Variants in CD82 observed in about 807,000 individuals in gnomAD.
CD82 encodes the protein CD82 antigen.
A neutral mutation model predicts 37.4 loss-of-function variants in CD82; 36 were observed. The ratio of observed to expected loss-of-function variants is 0.96; its 90% CI spans 0.74 to 1.27. The LOEUF (loss-of-function observed/expected upper bound fraction) is 1.27, where lower values mean the gene tolerates loss of function less well. Ranked by LOEUF, CD82 falls within the 50% of genes most tolerant of loss-of-function variation. CD82 has a pLI of 0.00. For synonymous variants in CD82, 158 were observed against 137.4 expected (o/e 1.15, Z -1.05); for missense variants, 340 against 347.0 (o/e 0.98, Z 0.16).
rs766793766 is a variant in CD82 at position 44,594,754 on chromosome 11, C to A, written c.63+29C>A. ...AGTATGTCCCATGCCGTCCTGACCA[C>A]CTCCGAAAAGATTCTCCTTCCAGGG... is the stretch of plus-strand genomic sequence containing the variant. On this transcript the variant is annotated intron_variant, in intron 3 of 9. Coordinates refer to ENST00000227155, the MANE Select transcript of CD82 (RefSeq NM_002231.4). 2.5e-6 allele frequency: 4 copies of A among 1,582,598 alleles called. No homozygotes were observed. In the South Asian group the frequency reaches 4.4e-5, roughly 18 times the overall value.
At chr11:44,592,492 A>C (rs1853159962) in intron 2 of CD82, among the ~76,000 whole-genome samples, 1 of 152,230 alleles carries the variant, frequency 6.6e-6, no homozygotes, top group African/African-American at 2.4e-5. Flanking sequence ...GGTAGGAAAG[A>C]AGAACAGATG....
intron 1 of CD82, among the ~76,000 whole-genome samples, chr11:44,580,157 A>G (rs1261395180): frequency 6.6e-6 from 1 of 151,322 alleles, no homozygotes; most frequent in African/African-American, 2.4e-5. Context: ...AGCCAAGAAG[A>G]CTCCCCACCC....
chr11:44,578,826 C>T (rs1043115533), intron 1 of CD82, among the ~76,000 whole-genome samples: 1 of 152,138 alleles, frequency 6.6e-6, no homozygotes, highest in Non-Finnish European at 1.5e-5. Flanking sequence ...GGGACTGTCC[C>T]CACTGCACAG....
At chr11:44,591,087 G>A (rs1047350909) in intron 2 of CD82, among the ~76,000 whole-genome samples, 5 of 152,196 alleles carry the variant, frequency 3.3e-5, no homozygotes, top group Admixed American at 2.6e-4. Flanking sequence ...CCCATCCCAG[G>A]TTCCAGTTAT....
At chr11:44,583,482 C>T (rs901363549) in intron 1 of CD82, among the ~76,000 whole-genome samples, 2 of 152,202 alleles carry the variant, frequency 1.3e-5, no homozygotes, top group African/African-American at 4.8e-5. Flanking sequence ...TCTTTTCCTT[C>T]CTGAAAGGAA....
At chr11:44,578,995 C>T (rs148513991) in intron 1 of CD82, among the ~76,000 whole-genome samples, 152 of 152,242 alleles carry the variant, frequency 1.0e-3, no homozygotes, top group African/African-American at 2.5e-3. Flanking sequence ...TTGTCTTAGC[C>T]GCTGCCAGCT....
chr11:44,618,129 G>A, intron 7 of CD82, 33 bp from the exon 8 acceptor site: 1 of 1,603,716 alleles, frequency 6.2e-7, no homozygotes, highest in Non-Finnish European at 8.5e-7. Context: ...GGTGAGCCGT[G>A]AGCACAAGCA....
chr11:44,604,066 G>A (rs540508181), intron 4 of CD82, among the ~76,000 whole-genome samples: 6 of 152,194 alleles, frequency 3.9e-5, no homozygotes, highest in African/African-American at 1.2e-4. Flanking sequence ...GGCCTTCGTC[G>A]ACCCATTCTG....
chr11:44,613,987 TTTGTTGTTGTTG>T (rs541397865), intron 6 of CD82, among the ~76,000 whole-genome samples: 3 of 151,680 alleles, frequency 2.0e-5, no homozygotes, highest in South Asian at 4.2e-4. Flanking sequence ...TGTTTTGTTT[TTTGTTGTTGTTG>T]TTTTTGTTGT....
intron 1 of CD82, among the ~76,000 whole-genome samples, chr11:44,582,780 G>A (rs941050243): frequency 3.3e-5 from 5 of 152,250 alleles, no homozygotes; most frequent in South Asian, 2.1e-4. Flanking sequence ...AGAGCTTTCC[G>A]ATCAATGAGC....
chr11:44,566,729 C>G (rs1313801198), intron 1 of CD82, among the ~76,000 whole-genome samples: 1 of 152,190 alleles, frequency 6.6e-6, no homozygotes, highest in Non-Finnish European at 1.5e-5. Context: ...GTGAGACCTC[C>G]CTCTGTGACA....
At chr11:44,600,654 G>A (rs549900301) in intron 4 of CD82, among the ~76,000 whole-genome samples, 4 of 152,324 alleles carry the variant, frequency 2.6e-5, no homozygotes, top group South Asian at 2.1e-4. Flanking sequence ...GTGGTGCTTC[G>A]CTATAAGCCT....
At chr11:44,589,860 G>T (rs1263317840) in intron 2 of CD82, among the ~76,000 whole-genome samples, 2 of 151,418 alleles carry the variant, frequency 1.3e-5, no homozygotes, top group East Asian at 1.9e-4. Context: ...TTGAGACGGG[G>T]TCTCGCTCTG....
intron 6 of CD82, among the ~76,000 whole-genome samples, chr11:44,614,916 G>A (rs1319186247): frequency 2.0e-5 from 3 of 152,334 alleles, no homozygotes; most frequent in East Asian, 3.9e-4. Context: ...GAAGAACAGA[G>A]GACAGAAGGC....
chr11:44,569,828 A>G (rs1463102484), intron 1 of CD82, among the ~76,000 whole-genome samples: 1 of 149,378 alleles, frequency 6.7e-6, no homozygotes, highest in African/African-American at 2.5e-5. Flanking sequence ...GGCCCTGCCA[A>G]TTTCTGGCTA....
At chr11:44,595,316 T>C (rs1853207060) in intron 3 of CD82, among the ~76,000 whole-genome samples, 1 of 152,174 alleles carries the variant, frequency 6.6e-6, no homozygotes. Flanking sequence ...CTGGTTTTCC[T>C]GGGGCCTCGG....
Position 44,615,386 on chromosome 11 carries a change from G to C in CD82, c.438+13G>C. ...CGTGCAGGCTCAGGTGAGGTGGGGCGGGGCTGCAGGAGGCTCTCTGGCCTG... is the reference window on the plus strand; with the variant it reads ...CGTGCAGGCTCAGGTGAGGTGGGGCCGGGCTGCAGGAGGCTCTCTGGCCTG... On this transcript the variant is annotated intron_variant, in intron 7 of 9. Transcript: ENST00000227155. The C allele has an allele frequency of 1.9e-6, 3 of 1,557,736 alleles. No homozygotes were observed. In the East Asian group the frequency reaches 6.7e-5, roughly 35 times the overall value.
intron 3 of CD82, among the ~76,000 whole-genome samples, chr11:44,595,970 G>A (rs1853219458): frequency 6.7e-6 from 1 of 149,582 alleles, no homozygotes; most frequent in Non-Finnish European, 1.5e-5. Context: ...TTAACCCAAT[G>A]CACAGACATG....
chr11:44,583,366 G>T (rs1853008822), intron 1 of CD82, among the ~76,000 whole-genome samples: 1 of 152,222 alleles, frequency 6.6e-6, no homozygotes, highest in Admixed American at 6.5e-5. Context: ...AGGCCCTCCA[G>T]TCTCATTGCT....
Sources: gnomAD v4.1 joint callset for allele counts (sites outside exome capture counted in the v4.1 genomes callset) on GRCh38, gnomAD v4.1.1 for gene constraint, MANE v1.5 for transcripts, NCBI Gene and HGNC (gene_info 2026-07-23, HGNC 2026-07-21) for gene names.